The following NECTIN3 variants were observed in gnomAD, a reference collection of about 807,000 sequenced individuals.
NECTIN3 encodes nectin-3.
Under a neutral mutation model 49.4 loss-of-function variants are expected in NECTIN3, and 8 were observed. That is an observed-to-expected ratio of 0.16 (90% CI 0.10 to 0.29). NECTIN3 has a LOEUF of 0.29. Ranked by LOEUF, NECTIN3 falls within the 10% of genes least tolerant of loss-of-function variation. NECTIN3 has a pLI of 1.00. For missense variants in NECTIN3, 581 were observed against 654.6 expected (o/e 0.89, Z 1.23); for synonymous variants, 277 against 241.1 (o/e 1.15, Z -1.38).
At chr3:111,088,327 G>A (rs778111462) in intron 1 of NECTIN3, among the ~76,000 whole-genome samples, 2 of 152,060 alleles carry the variant, frequency 1.3e-5, no homozygotes, top group Middle Eastern at 3.2e-3. Flanking sequence ...GTGTCCTAAG[G>A]CTCTCTTCAG....
intron 7 of NECTIN3, among the ~76,000 whole-genome samples, chr3:111,180,018 C>A (rs968289561): frequency 2.6e-5 from 4 of 151,822 alleles, no homozygotes; most frequent in Non-Finnish European, 5.9e-5. Flanking sequence ...AATTAACAGA[C>A]AAAATTTCAA....
chr3:111,179,760 G>A (rs931735082), intron 7 of NECTIN3, among the ~76,000 whole-genome samples: 61 of 152,060 alleles, frequency 4.0e-4, no homozygotes, highest in African/African-American at 1.3e-3. Context: ...TGAGTGTGGC[G>A]GCGGGACCTG....
intron 7 of NECTIN3, among the ~76,000 whole-genome samples, chr3:111,162,661 G>A (rs553475386): frequency 3.3e-5 from 5 of 152,078 alleles, no homozygotes; most frequent in East Asian, 1.9e-4. Flanking sequence ...ATATAATTTT[G>A]TATACAGAAC....
rs1419681141 is a variant in NECTIN3, at chr3:111,130,819, TACTG to T, written c.1070-2812_1070-2809del. On this transcript the variant is annotated intron_variant, in intron 5 of 5. Coordinates refer to ENST00000485303, the MANE Select transcript of NECTIN3 (RefSeq NM_015480.3). ...GTATAGTAGCTCTTTGACTAGTACT[TACTG>T]ACTACTGGAAATTGTGTTTTTCTGG... is the stretch of plus-strand genomic sequence containing the variant. Among the ~76,000 whole-genome samples, 3 of 152,238 alleles carry T rather than the reference TACTG, an allele frequency of 2.0e-5. No individual in the cohort carries two copies. The South Asian group carries it at 6.2e-4, about 32-fold the overall frequency.
intron 7 of NECTIN3, among the ~76,000 whole-genome samples, chr3:111,147,642 A>T (rs1315848534): frequency 2.6e-5 from 4 of 152,120 alleles, no homozygotes; most frequent in African/African-American, 9.7e-5. Context: ...TGCATTAAAG[A>T]TTACATAGCA....
At chr3:111,072,209 A>T in intron 1 of NECTIN3, 32 bp downstream of exon 1, 2 of 1,524,372 alleles carry the variant, frequency 1.3e-6, no homozygotes, top group Non-Finnish European at 1.8e-6. Flanking sequence ...GCGTGGGCTG[A>T]GGGAGCCGCC....
intron 2 of NECTIN3, among the ~76,000 whole-genome samples, chr3:111,118,443 AGTG>A (rs2033801933): frequency 6.6e-6 from 1 of 151,398 alleles, no homozygotes; most frequent in Non-Finnish European, 1.5e-5. Flanking sequence ...CCATCTTTGT[AGTG>A]GTGGTATGAA....
chr3:111,191,289 T>C (rs1161052770), upstream of NECTIN3, among the ~76,000 whole-genome samples: 2 of 152,188 alleles, frequency 1.3e-5, no homozygotes, highest in African/African-American at 2.4e-5. Flanking sequence ...AATAAAGATA[T>C]TAGTTTTGTT....
Position 111,134,246 on chromosome 3 carries a change from A to G in NECTIN3, c.*31A>G, listed in dbSNP as rs1321586644. On this transcript the variant is annotated 3_prime_UTR_variant, in exon 6 of 6. Transcript: ENST00000485303. The stretch of plus-strand genomic sequence containing the variant: ...ACTGAATGTGACTTAACTATGTACA[A>G]TGTTCATTCACACTAGTTGATCATT... The G allele has an allele frequency of 7.2e-6, 11 of 1,536,540 alleles. No individual in the cohort carries two copies. Among genetic ancestry groups the G allele is most frequent in the African/African-American group, 1.4e-5 (1 of 72,304 alleles).
chr3:111,096,047 A>T (rs2032567038), intron 1 of NECTIN3, among the ~76,000 whole-genome samples: 1 of 152,226 alleles, frequency 6.6e-6, no homozygotes, highest in African/African-American at 2.4e-5. Context: ...GAGGGCTCAG[A>T]AGAAGACAGA....
At chr3:111,142,431 C>T (rs2107505661), downstream of NECTIN3, among the ~76,000 whole-genome samples, 1 of 151,618 alleles carries the variant, frequency 6.6e-6, no homozygotes, top group Non-Finnish European at 1.5e-5. Flanking sequence ...ATGAAGATGT[C>T]CAAATTAAGA....
intron 1 of NECTIN3, among the ~76,000 whole-genome samples, chr3:111,107,747 C>T (rs1436225349): frequency 6.6e-6 from 1 of 152,146 alleles, no homozygotes; most frequent in Non-Finnish European, 1.5e-5. Flanking sequence ...AGTAGTGAGG[C>T]ATTCTAATTT....
chr3:111,108,809 T>C (rs1054540818), intron 1 of NECTIN3, among the ~76,000 whole-genome samples: 9 of 152,118 alleles, frequency 5.9e-5, no homozygotes, highest in Admixed American at 5.9e-4. Flanking sequence ...AACTCACTCA[T>C]TACCACAGGG....
intron 1 of NECTIN3, among the ~76,000 whole-genome samples, chr3:111,108,848 A>G (rs2033328301): frequency 6.6e-6 from 1 of 152,040 alleles, no homozygotes; most frequent in South Asian, 2.1e-4. Flanking sequence ...TGAGGGCTCC[A>G]CTCCCATGAC....
At chr3:111,072,396 G>A (rs546508612) in intron 1 of NECTIN3, 1 of 1,513,330 alleles carries the variant, frequency 6.6e-7, no homozygotes, top group South Asian at 1.2e-5. Flanking sequence ...GCCCTCCCCC[G>A]CGGCCGCGCG....
At chr3:111,122,993 G>A (rs2034017787) in intron 4 of NECTIN3, among the ~76,000 whole-genome samples, 3 of 151,222 alleles carry the variant, frequency 2.0e-5, no homozygotes, top group Admixed American at 2.0e-4. Context: ...TATATTTTCA[G>A]ATGGTCTTAT....
upstream of NECTIN3, among the ~76,000 whole-genome samples, chr3:111,189,016 A>G (rs2035769797): frequency 6.6e-6 from 1 of 152,158 alleles, no homozygotes; most frequent in South Asian, 2.1e-4. Flanking sequence ...GTCAAGGACT[A>G]TGTTGTTACC....
At chr3:111,122,381 A>T in intron 4 of NECTIN3, 143 bp downstream of exon 4, 1 of 577,050 alleles carries the variant, frequency 1.7e-6, no homozygotes, top group Non-Finnish European at 2.9e-6. Context: ...ATCCTTCCCC[A>T]CCTGTCCCCA....
chr3:111,114,566 G>A (rs532719618), intron 2 of NECTIN3, among the ~76,000 whole-genome samples: 4 of 152,270 alleles, frequency 2.6e-5, no homozygotes, highest in Non-Finnish European at 4.4e-5. Context: ...TGTTATTTGA[G>A]TAGGATATAG....
Sources: allele counts gnomAD v4.1 joint callset (sites outside exome capture counted in the v4.1 genomes callset), GRCh38; gene constraint gnomAD v4.1.1; transcripts MANE v1.5; gene names NCBI Gene and HGNC (gene_info 2026-07-23, HGNC 2026-07-21).